Variants in C1orf185 observed in about 807,000 individuals in gnomAD.
C1orf185 encodes uncharacterized protein C1orf185.
C1orf185 carries 13 observed loss-of-function variants against 16.1 expected under a neutral mutation model. The observed-to-expected ratio is 0.81, with a 90% CI of 0.53 to 1.28. The LOEUF is 1.28. Among genes scored for constraint, C1orf185 ranks in the 50% most tolerant of loss-of-function variants. C1orf185 has a pLI of 0.00. For missense variants in C1orf185, 220 were observed against 225.2 expected (o/e 0.98, Z 0.15); for synonymous variants, 80 against 76.9 (o/e 1.04, Z -0.21).
intron 3 of C1orf185, among the ~76,000 whole-genome samples, chr1:51,139,933 T>C (rs1378667742): frequency 6.6e-6 from 1 of 152,246 alleles, no homozygotes; most frequent in Non-Finnish European, 1.5e-5. Flanking sequence ...CCTATCCTTG[T>C]GACAGAAGAG....
intron 3 of C1orf185, among the ~76,000 whole-genome samples, chr1:51,142,159 C>A (rs1218998825): frequency 1.3e-5 from 2 of 152,172 alleles, no homozygotes; most frequent in African/African-American, 4.8e-5. Flanking sequence ...AATCTAAAAT[C>A]CATATTCCAT....
chr1:51,103,410 A>AACACACACACACACACACACAC (rs367808687), intron 1 of C1orf185, among the ~76,000 whole-genome samples: 1 of 128,892 alleles, frequency 7.8e-6, no homozygotes, highest in African/African-American at 3.1e-5. Context: ...TGTCTCGAAA[A>AACACACACACACACACACACAC]ACACACACAC....
chr1:51,103,757 A>G (rs1295508896), intron 1 of C1orf185, among the ~76,000 whole-genome samples: 2 of 152,102 alleles, frequency 1.3e-5, no homozygotes, highest in Non-Finnish European at 2.9e-5. Context: ...CTGGTCTTGA[A>G]TTCCTGACCT....
chr1:51,111,853 T>C (rs1646123251), intron 1 of C1orf185, among the ~76,000 whole-genome samples: 1 of 152,094 alleles, frequency 6.6e-6, no homozygotes, highest in African/African-American at 2.4e-5. Context: ...TTTGTAGAGA[T>C]GGTATTTCAC....
chr1:51,113,144 GA>G lies in C1orf185; in HGVS notation c.122+576del, dbSNP rs370159823. Among the ~76,000 whole-genome samples the G allele has an allele frequency of 4.5e-4, 68 of 151,930 alleles. 1 individual carries two copies. In the South Asian group the frequency reaches 0.014, roughly 32 times the overall value. ...TTTATTTTCTAGAAGACATAGGTTT[GA>G]TTGTAATGGTAGGTGAAAATGTTTT... On this transcript the variant is annotated intron_variant, in intron 2 of 4. Transcript: ENST00000371759.
chr1:51,137,434 T>C (rs1646333314), intron 3 of C1orf185, among the ~76,000 whole-genome samples: 1 of 152,114 alleles, frequency 6.6e-6, no homozygotes, highest in Admixed American at 6.5e-5. Flanking sequence ...CTTGGGAGGC[T>C]GAGGCAGGAC....
intron 1 of C1orf185, among the ~76,000 whole-genome samples, chr1:51,103,938 C>T (rs543340160): frequency 6.6e-6 from 1 of 152,226 alleles, no homozygotes; most frequent in South Asian, 2.1e-4. Flanking sequence ...AAGATCCATC[C>T]AATATAATAA....
downstream of C1orf185, among the ~76,000 whole-genome samples, chr1:51,150,287 G>T (rs2148036628): frequency 6.6e-6 from 1 of 151,936 alleles, no homozygotes; most frequent in African/African-American, 2.4e-5. Context: ...CGCTTCCCAG[G>T]TTCAAGCGAT....
At chr1:51,145,836 T>C (rs1367871611) in intron 4 of C1orf185, 76 bp downstream of exon 4, 1 of 738,924 alleles carries the variant, frequency 1.4e-6, no homozygotes, top group African/African-American at 1.8e-5. Flanking sequence ...ATCAAGAGGC[T>C]ATCCTAAATG....
chr1:51,103,550 T>C (rs1012309465), intron 1 of C1orf185, among the ~76,000 whole-genome samples: 1 of 151,244 alleles, frequency 6.6e-6, no homozygotes, highest in African/African-American at 2.4e-5. Context: ...TTTTTTTTTT[T>C]TGAGACTGAG....
chr1:51,124,429 CA>C (rs1646223262), intron 3 of C1orf185, among the ~76,000 whole-genome samples: 1 of 152,174 alleles, frequency 6.6e-6, no homozygotes, highest in South Asian at 2.1e-4. Flanking sequence ...GCAGCCGCCT[CA>C]AAACTGGGGT....
chr1:51,122,312 T>C (rs966581504), intron 3 of C1orf185, among the ~76,000 whole-genome samples: 14 of 152,206 alleles, frequency 9.2e-5, no homozygotes, highest in African/African-American at 3.4e-4. Flanking sequence ...GCTGTGTCAA[T>C]ATATGTTCCC....
chr1:51,140,566 G>A (rs1646357843), intron 3 of C1orf185, among the ~76,000 whole-genome samples: 1 of 152,064 alleles, frequency 6.6e-6, no homozygotes, highest in South Asian at 2.1e-4. Context: ...AATTGGTATC[G>A]TTTATTCCCC....
intron 3 of C1orf185, among the ~76,000 whole-genome samples, chr1:51,123,891 A>T (rs950468981): frequency 6.6e-6 from 1 of 152,024 alleles, no homozygotes; most frequent in Non-Finnish European, 1.5e-5. Context: ...TAAGTTTTAA[A>T]GAACTTATAT....
chr1:51,144,213 A>G (rs1028593748), intron 3 of C1orf185, among the ~76,000 whole-genome samples: 11 of 152,196 alleles, frequency 7.2e-5, no homozygotes, highest in Admixed American at 5.2e-4. Flanking sequence ...GCAGACTCTT[A>G]TACCCCATTC....
At chr1:51,113,704 A>G (rs1646139549) in intron 2 of C1orf185, among the ~76,000 whole-genome samples, 1 of 152,170 alleles carries the variant, frequency 6.6e-6, no homozygotes, top group Admixed American at 6.5e-5. Flanking sequence ...ATACATACAT[A>G]CATACATAAA....
chr1:51,140,955 T>C (rs1646360230), intron 3 of C1orf185, among the ~76,000 whole-genome samples: 1 of 152,226 alleles, frequency 6.6e-6, no homozygotes, highest in Non-Finnish European at 1.5e-5. Context: ...TTTGTTGTTT[T>C]CTATTTTATT....
At chr1:51,128,512 C>G (rs902446603) in intron 3 of C1orf185, among the ~76,000 whole-genome samples, 1 of 151,930 alleles carries the variant, frequency 6.6e-6, no homozygotes, top group African/African-American at 2.4e-5. Flanking sequence ...GCCAGTATGG[C>G]GAAATCCCAT....
At chr1:51,135,921 C>G (rs1166378174) in intron 3 of C1orf185, among the ~76,000 whole-genome samples, 1 of 152,108 alleles carries the variant, frequency 6.6e-6, no homozygotes, top group Non-Finnish European at 1.5e-5. Context: ...TTGTCTCAGC[C>G]CAAAAGCTCC....
Sources: gnomAD v4.1 joint callset for allele counts (sites outside exome capture counted in the v4.1 genomes callset) on GRCh38, gnomAD v4.1.1 for gene constraint, MANE v1.5 for transcripts, NCBI Gene and HGNC (gene_info 2026-07-23, HGNC 2026-07-21) for gene names.